LPXN: variants seen among roughly 807,000 people sequenced by gnomAD.
LPXN encodes the protein leupaxin.
In LPXN, 28 loss-of-function variants were observed where a neutral mutation model predicts 45.6. The observed-to-expected ratio is 0.61, with a 90% CI of 0.45 to 0.84. The LOEUF (loss-of-function observed/expected upper bound fraction) is 0.84, where lower values mean the gene tolerates loss of function less well. Among genes scored for constraint, LPXN ranks in the 40% least tolerant of loss-of-function variants. The pLI, the probability that LPXN is intolerant of heterozygous loss-of-function variation, is 0.00. For synonymous variants in LPXN, 166 were observed against 169.9 expected (o/e 0.98, Z 0.18); for missense variants, 459 against 475.0 (o/e 0.97, Z 0.31).
chr11:58,541,043 A>T (rs2120256496), intron 7 of LPXN, among the ~76,000 whole-genome samples: 1 of 152,146 alleles, frequency 6.6e-6, no homozygotes, highest in East Asian at 1.9e-4. Flanking sequence ...TTAATTCAAG[A>T]TGGATTAAAG....
chr11:58,570,329 TA>T (rs1170280874), intron 2 of LPXN, among the ~76,000 whole-genome samples: 72 of 150,676 alleles, frequency 4.8e-4, no homozygotes, highest in South Asian at 1.5e-3. Context: ...ATAAAAAAAA[TA>T]AAAAAAATAA....
At chr11:58,555,444 T>C (rs1228344231) in intron 3 of LPXN, among the ~76,000 whole-genome samples, 1 of 152,194 alleles carries the variant, frequency 6.6e-6, no homozygotes, top group African/African-American at 2.4e-5. Context: ...TTCATATTCA[T>C]ATAATTGTAA....
At chr11:58,536,844 G>A (rs1853568165) in intron 7 of LPXN, among the ~76,000 whole-genome samples, 1 of 151,178 alleles carries the variant, frequency 6.6e-6, no homozygotes, top group Non-Finnish European at 1.5e-5. Flanking sequence ...AAAAGTGACT[G>A]AAGGATATGA....
chr11:58,559,038 C>T (rs755011780), intron 3 of LPXN, among the ~76,000 whole-genome samples: 5 of 151,668 alleles, frequency 3.3e-5, no homozygotes, highest in Non-Finnish European at 7.4e-5. Context: ...GCTAAAGATT[C>T]TTTTAAAAAG....
upstream of LPXN, among the ~76,000 whole-genome samples, chr11:58,578,695 T>C (rs1348026497): frequency 6.6e-6 from 1 of 152,008 alleles, no homozygotes; most frequent in East Asian, 1.9e-4. Flanking sequence ...AGAGCCCTTG[T>C]GGTATCAGTG....
upstream of LPXN, among the ~76,000 whole-genome samples, chr11:58,578,776 T>G (rs1017732166): frequency 5.3e-5 from 8 of 151,548 alleles, no homozygotes; most frequent in Non-Finnish European, 8.8e-5. Flanking sequence ...AGGTGCGATT[T>G]CTTCTCACCC....
chr11:58,569,580 G>A (rs187885835), intron 2 of LPXN, among the ~76,000 whole-genome samples: 8 of 152,006 alleles, frequency 5.3e-5, no homozygotes, highest in African/African-American at 1.9e-4. Context: ...GTAGAGATGG[G>A]GGTCTCACCA....
Position 58,555,967 on chromosome 11 carries a change from A to G in LPXN, c.219-1027T>C, listed in dbSNP as rs1336694359. On this transcript the variant is annotated intron_variant, in intron 3 of 8. Transcript: ENST00000395074. ...AATGCATAAATTAGTGAAACAGAAA[A>G]CAAGAAATAAAACAAAAACTGACAG... Among the ~76,000 whole-genome samples the G allele has an allele frequency of 5.3e-5, 8 of 152,126 alleles. No individual in the cohort carries two copies. The East Asian group carries it at 1.5e-3, about 29-fold the overall frequency.
At chr11:58,551,346 C>A in intron 4 of LPXN, 114 bp from the exon 5 acceptor site, 1 of 806,920 alleles carries the variant, frequency 1.2e-6, no homozygotes, top group East Asian at 3.3e-5. Context: ...CTTTCCCCAA[C>A]CTTCCTGCAA....
At chr11:58,540,109 G>A (rs1195934994) in intron 7 of LPXN, among the ~76,000 whole-genome samples, 5 of 152,024 alleles carry the variant, frequency 3.3e-5, no homozygotes, top group African/African-American at 1.2e-4. Flanking sequence ...CCTAAACCTA[G>A]TCATCTCTAG....
chr11:58,558,470 A>G (rs1054255816), intron 3 of LPXN, among the ~76,000 whole-genome samples: 1 of 149,016 alleles, frequency 6.7e-6, no homozygotes, highest in African/African-American at 2.5e-5. Flanking sequence ...CCAGGAGGCC[A>G]AGGCTGCAGT....
chr11:58,544,106 T>C (rs1332996024), intron 7 of LPXN, among the ~76,000 whole-genome samples: 1 of 152,186 alleles, frequency 6.6e-6, no homozygotes, highest in African/African-American at 2.4e-5. Flanking sequence ...TCTAAACCCC[T>C]GAGACACAGA....
At chr11:58,569,605 G>T (rs931273797) in intron 2 of LPXN, among the ~76,000 whole-genome samples, 3 of 151,914 alleles carry the variant, frequency 2.0e-5, no homozygotes, top group African/African-American at 4.8e-5. Flanking sequence ...GCCCAGGCTG[G>T]TCTCAAACTC....
chr11:58,542,462 A>G (rs1191341722), intron 7 of LPXN, among the ~76,000 whole-genome samples: 1 of 151,802 alleles, frequency 6.6e-6, no homozygotes, highest in African/African-American at 2.4e-5. Flanking sequence ...TTTTTAAAAA[A>G]GATGTAGACA....
At chr11:58,550,614 GT>G (rs1854020355) in intron 5 of LPXN, among the ~76,000 whole-genome samples, 1 of 152,202 alleles carries the variant, frequency 6.6e-6, no homozygotes, top group Admixed American at 6.5e-5. Context: ...CAGAACAGGA[GT>G]TTGCAGCTGT....
upstream of LPXN, chr11:58,577,961 C>T (rs1854956291): frequency 6.5e-7 from 1 of 1,544,286 alleles, no homozygotes. Context: ...CCAAGGACCC[C>T]ATGGAACCAG....
At chr11:58,564,120 T>G (rs1465250257) in intron 3 of LPXN, 35 bp downstream of exon 3, 1 of 1,340,978 alleles carries the variant, frequency 7.5e-7, no homozygotes, top group East Asian at 2.3e-5. Flanking sequence ...CTACTAACTT[T>G]AATTTTTAAA....
chr11:58,527,436 G>C lies in LPXN; in HGVS notation c.*18C>G. ...TAAATTTTATAAGGAATCTGAAGAG[G>C]CTATGGATCAGTTGGCATTACAGTG... On this transcript the variant is annotated 3_prime_UTR_variant, in exon 9 of 9. Coordinates refer to ENST00000395074, the MANE Select transcript of LPXN (RefSeq NM_004811.3). 6.2e-7 allele frequency: 1 copy of C among 1,613,430 alleles called. No homozygotes were observed. The highest frequency in any genetic ancestry group is 8.5e-7 in the Non-Finnish European group (1 of 1,179,402).
At chr11:58,543,612 T>C (rs910182247) in intron 7 of LPXN, among the ~76,000 whole-genome samples, 2 of 152,110 alleles carry the variant, frequency 1.3e-5, no homozygotes, top group African/African-American at 4.8e-5. Context: ...GCTTAGAGAA[T>C]TTACACCTGA....
Sources: gnomAD v4.1 joint callset for allele counts (sites outside exome capture counted in the v4.1 genomes callset) on GRCh38, gnomAD v4.1.1 for gene constraint, MANE v1.5 for transcripts, NCBI Gene and HGNC (gene_info 2026-07-23, HGNC 2026-07-21) for gene names.